The following DOCK1 variants were observed in gnomAD, a reference collection of about 807,000 sequenced individuals.
The protein encoded by DOCK1 is dedicator of cytokinesis protein 1.
In DOCK1, 138 loss-of-function variants were observed where a neutral mutation model predicts 262.7. The observed-to-expected ratio is 0.53, with a 90% confidence interval of 0.46 to 0.61. DOCK1 has a LOEUF of 0.61. Ranked by LOEUF, DOCK1 falls within the 20% of genes least tolerant of loss-of-function variation. The pLI is 0.00. For synonymous variants in DOCK1, 866 were observed against 867.4 expected, an observed-to-expected ratio of 1.00 and a Z score of 0.03; for missense variants, 1,908 against 2,370.7, an observed-to-expected ratio of 0.80 and a Z score of 4.05.
chr10:127,085,202 T>C (rs1173708151), intron 23 of DOCK1, among the ~76,000 whole-genome samples: 1 of 152,186 alleles, frequency 6.6e-6, no homozygotes, highest in Non-Finnish European at 1.5e-5. Flanking sequence ...CAGGCTTTTA[T>C]GAACTAGTAG....
chr10:126,918,412 G>A (rs912113249), intron 1 of DOCK1, among the ~76,000 whole-genome samples: 6 of 152,342 alleles, frequency 3.9e-5, no homozygotes, highest in South Asian at 2.1e-4. Context: ...AGGTGATGAC[G>A]GTACTTTTTA....
intron 1 of DOCK1, among the ~76,000 whole-genome samples, chr10:126,908,151 A>C (rs1421268001): frequency 6.6e-6 from 1 of 152,184 alleles, no homozygotes; most frequent in African/African-American, 2.4e-5. Context: ...GGAGCTGAGC[A>C]TGAGCGCAAT....
chr10:127,412,582 A>T (rs571236574), intron 43 of DOCK1, among the ~76,000 whole-genome samples: 2 of 152,210 alleles, frequency 1.3e-5, no homozygotes, highest in African/African-American at 4.8e-5. Flanking sequence ...GTCCGAAGGC[A>T]TCTAGGCTGC....
chr10:126,988,532 T>C (rs2039571401), intron 5 of DOCK1: 1 of 152,230 alleles, frequency 6.6e-6, no homozygotes, highest in Admixed American at 6.5e-5. Context: ...CATGAATGTT[T>C]TGTGTAAATC....
chr10:127,030,766 CA>C (rs756404299), intron 16 of DOCK1, among the ~76,000 whole-genome samples: 3 of 152,118 alleles, frequency 2.0e-5, no homozygotes, highest in Non-Finnish European at 4.4e-5. Context: ...GCAACAAGAT[CA>C]ACAAGATTCT....
intron 23 of DOCK1, among the ~76,000 whole-genome samples, chr10:127,103,156 C>T (rs547475263): frequency 2.6e-5 from 4 of 152,246 alleles, no homozygotes; most frequent in South Asian, 2.1e-4. Context: ...CGTCGAGTTC[C>T]ATTGTATGAA....
At chr10:127,210,390 G>A (rs61741376) in intron 27 of DOCK1, among the ~76,000 whole-genome samples, 62 of 152,300 alleles carry the variant, frequency 4.1e-4, no homozygotes, top group African/African-American at 1.3e-3. Flanking sequence ...TAAAGGGACC[G>A]ATGCCTGAGA....
At chr10:127,360,727 G>A (rs2064378385) in intron 32 of DOCK1, among the ~76,000 whole-genome samples, 1 of 152,158 alleles carries the variant, frequency 6.6e-6, no homozygotes, top group Non-Finnish European at 1.5e-5. Context: ...TAGGGTCCGA[G>A]TGCCATGCAA....
At chr10:127,302,112 C>T (rs2061701762) in intron 29 of DOCK1, among the ~76,000 whole-genome samples, 1 of 149,468 alleles carries the variant, frequency 6.7e-6, no homozygotes, top group African/African-American at 2.5e-5. Flanking sequence ...GCTTTGAATG[C>T]TGTGGCCCGG....
intron 38 of DOCK1, among the ~76,000 whole-genome samples, chr10:127,387,224 A>G (rs1486353788): frequency 6.6e-6 from 1 of 152,162 alleles, no homozygotes; most frequent in South Asian, 2.1e-4. Context: ...TGCCCTCTGC[A>G]TTCCAGCCAC....
chr10:127,073,345 A>C (rs1270843500), intron 23 of DOCK1, among the ~76,000 whole-genome samples: 2 of 152,222 alleles, frequency 1.3e-5, no homozygotes, highest in East Asian at 3.8e-4. Flanking sequence ...CAGAATAATC[A>C]ACACAATATT....
chr10:127,214,001 G>A lies in DOCK1; in HGVS notation c.2848-34007G>A, dbSNP rs1376892689. On this transcript the variant is annotated intron_variant, in intron 27 of 51. Transcript: ENST00000623213. ...ACTACAGGCACCCGCCACCATGCCT[G>A]GCTAATTTTTTTGTATTTTTTTTCT... Among the ~76,000 whole-genome samples, 4 of 152,192 alleles carry A rather than the reference G, an allele frequency of 2.6e-5. No homozygotes were observed. In the East Asian group the frequency reaches 7.7e-4, roughly 29 times the overall value.
At chr10:127,361,913 A>G (rs944803326) in intron 32 of DOCK1, 151 bp from the exon 33 acceptor site, 1 of 868,954 alleles carries the variant, frequency 1.2e-6, no homozygotes, top group Non-Finnish European at 1.7e-6. Context: ...AAAGTTCAAA[A>G]TCATCATCTG....
At chr10:127,085,515 T>G (rs2136048739) in intron 23 of DOCK1, among the ~76,000 whole-genome samples, 1 of 152,266 alleles carries the variant, frequency 6.6e-6, no homozygotes, top group East Asian at 1.9e-4. Flanking sequence ...ATCCCAGCAC[T>G]TTGGGAGGCC....
Position 127,100,317 on chromosome 10 carries a change from C to T in DOCK1, c.2446-5914C>T, listed in dbSNP as rs2048164838. ...GGGAGTTAACAGCCTGAACCGAGGG[C>T]TCTGTCGCTGCCTAGAAGGGGGCTG... On this transcript the variant is annotated intron_variant, in intron 23 of 51. Coordinates refer to ENST00000623213, the MANE Select transcript of DOCK1 (RefSeq NM_001290223.2). The surrounding 1 kb of genome is among the most constrained non-coding windows in gnomAD (Gnocchi z 5.5). 6.6e-6 allele frequency among the ~76,000 whole-genome samples: 1 copy of T among 152,092 alleles called. No homozygotes were observed. The highest frequency in any genetic ancestry group is 1.5e-5 in the Non-Finnish European group (1 of 68,024).
intron 27 of DOCK1, chr10:127,136,497 A>G (rs1191080341): frequency 6.6e-6 from 1 of 152,350 alleles, no homozygotes; most frequent in Non-Finnish European, 1.5e-5. Context: ...AAAAAAAGGC[A>G]AAGTAAGATC....
chr10:127,409,422 A>T (rs748189385), intron 42 of DOCK1, 31 bp downstream of exon 42: 1 of 1,606,992 alleles, frequency 6.2e-7, no homozygotes, highest in Admixed American at 1.7e-5. Context: ...ACCCAACGTG[A>T]GGGTTGTAAG....
chr10:127,196,735 G>GGAA (rs942531777), intron 27 of DOCK1, among the ~76,000 whole-genome samples: 4 of 150,096 alleles, frequency 2.7e-5, no homozygotes, highest in Non-Finnish European at 4.5e-5. Context: ...AAGAGGAGGA[G>GGAA]GAGGTGGAAG....
At chr10:127,157,529 A>G (rs931203696) in intron 27 of DOCK1, among the ~76,000 whole-genome samples, 2 of 152,144 alleles carry the variant, frequency 1.3e-5, no homozygotes. Context: ...TTTTCACTCA[A>G]TTTTCTTTCT....
Sources: allele counts gnomAD v4.1 joint callset (sites outside exome capture counted in the v4.1 genomes callset), GRCh38; gene constraint gnomAD v4.1.1; non-coding constraint Gnocchi (gnomAD v3.1); transcripts MANE v1.5; gene names NCBI Gene and HGNC (gene_info 2026-07-23, HGNC 2026-07-21).